Variants in CADPS observed in about 807,000 individuals in gnomAD.
CADPS encodes the protein calcium-dependent secretion activator 1.
In CADPS, 57 loss-of-function variants were observed where a neutral mutation model predicts 167.3. The observed-to-expected ratio is 0.34, with a 90% CI of 0.28 to 0.42. The LOEUF is 0.42. Among genes scored for constraint, CADPS ranks in the 20% least tolerant of loss-of-function variants. The pLI, the probability that CADPS is intolerant of heterozygous loss-of-function variation, is 1.00. For synonymous variants in CADPS, 676 were observed against 635.3 expected, an observed-to-expected ratio of 1.06 and a Z score of -0.96; for missense variants, 1,414 against 1,738.1, an observed-to-expected ratio of 0.81 and a Z score of 3.32.
rs2083171588 is a variant in CADPS, at chr3:62,753,466, T to C, written c.863A>G (p.His288Arg). The change falls in exon 3 of 30, where the codon CAT (histidine) becomes CGT (arginine). Residue 288 changes from histidine (H) to arginine (R), a missense_variant. His to Arg is a conservative substitution (Grantham distance 29, BLOSUM62 0). This residue lies in a region of CADPS where 522 missense variants were observed against 559.5 expected (regional missense o/e 0.93). Coordinates refer to ENST00000383710, the MANE Select transcript of CADPS (RefSeq NM_003716.4). This position sits in a 1 kb window ranked among gnomAD's most constrained non-coding sequence, Gnocchi z 4.6. ...QNILGIKKFE[H>R]QLLYNACQLD... ...CTGGCAGGCATTGTAAAGGAGCTGA[T>C]GTTCGAACTTCTTGATCCCAAGAAT... 1 of 1,612,988 alleles carries C rather than the reference T, an allele frequency of 6.2e-7. No homozygotes were observed. Among genetic ancestry groups the C allele is most frequent in the Non-Finnish European group, 8.5e-7 (1 of 1,179,128 alleles).
At chr3:62,415,095 C>T (rs971639365) in intron 28 of CADPS, among the ~76,000 whole-genome samples, 3 of 151,656 alleles carry the variant, frequency 2.0e-5, no homozygotes, top group African/African-American at 7.3e-5. Context: ...TGCCCACCCT[C>T]CCCGCCCCAT....
intron 3 of CADPS, among the ~76,000 whole-genome samples, chr3:62,737,913 G>T (rs1261051758): frequency 1.3e-5 from 2 of 151,818 alleles, no homozygotes; most frequent in Non-Finnish European, 2.9e-5. Flanking sequence ...ATTCTGATTT[G>T]TTTTTCTTTA....
At chr3:62,865,036 C>A (rs1228388965) in intron 1 of CADPS, among the ~76,000 whole-genome samples, 2 of 151,994 alleles carry the variant, frequency 1.3e-5, no homozygotes, top group African/African-American at 2.4e-5. Context: ...ATGGAAGAAC[C>A]CCCAAGAAAT....
chr3:62,825,848 C>A (rs2073941634), intron 1 of CADPS, among the ~76,000 whole-genome samples: 1 of 152,170 alleles, frequency 6.6e-6, no homozygotes, highest in Admixed American at 6.6e-5. Flanking sequence ...CAAGCTTTCT[C>A]TCCTACCCTC....
At chr3:62,666,991 G>A (rs891325017) in intron 3 of CADPS, among the ~76,000 whole-genome samples, 1 of 150,372 alleles carries the variant, frequency 6.7e-6, no homozygotes, top group Non-Finnish European at 1.5e-5. Context: ...ATGACAAAAT[G>A]TGCTGCATTG....
At chr3:62,615,918 CAT>C (rs1273264409) in intron 6 of CADPS, among the ~76,000 whole-genome samples, 3 of 152,298 alleles carry the variant, frequency 2.0e-5, no homozygotes, top group Middle Eastern at 3.4e-3. Flanking sequence ...TGAGTGGTGT[CAT>C]ATAGCTTCAC....
At chr3:62,722,146 G>C (rs1026797034) in intron 3 of CADPS, among the ~76,000 whole-genome samples, 2 of 152,226 alleles carry the variant, frequency 1.3e-5, no homozygotes, top group Non-Finnish European at 2.9e-5. Context: ...GCAAGGGGCA[G>C]CCTCTGAATT....
chr3:62,413,653 C>T (rs1221421244), intron 28 of CADPS, among the ~76,000 whole-genome samples: 2 of 151,994 alleles, frequency 1.3e-5, no homozygotes, highest in Non-Finnish European at 2.9e-5. Flanking sequence ...TTCAGTTTTG[C>T]AAGATGAAAC....
At chr3:62,795,623 TATTC>T (rs10602991) in intron 1 of CADPS, among the ~76,000 whole-genome samples, 12,760 of 152,120 alleles carry the variant, frequency 0.084, 1,337 homozygotes, top group African/African-American at 0.25. Flanking sequence ...ACTCAATAAA[TATTC>T]ATTGAGTGCC....
chr3:62,752,439 A>T (rs2082911355), intron 3 of CADPS, among the ~76,000 whole-genome samples: 1 of 152,208 alleles, frequency 6.6e-6, no homozygotes. Flanking sequence ...CTCTTACTAA[A>T]ACATCCAGAA....
chr3:62,545,963 C>G (rs1182984163), intron 11 of CADPS, among the ~76,000 whole-genome samples: 1 of 152,066 alleles, frequency 6.6e-6, no homozygotes, highest in African/African-American at 2.4e-5. Context: ...AGTTAAGTCA[C>G]TGAAAGATTG....
intron 1 of CADPS, among the ~76,000 whole-genome samples, chr3:62,873,953 T>C (rs1238285232): frequency 1.3e-5 from 2 of 152,142 alleles, no homozygotes; most frequent in South Asian, 2.1e-4. Flanking sequence ...CGAGGACACT[T>C]TGGCGACGCT....
Position 62,446,769 on chromosome 3 carries a change from G to A in CADPS, c.3637-972C>T, listed in dbSNP as rs2057290826. On this transcript the variant is annotated intron_variant, in intron 26 of 29. Transcript: ENST00000383710. The surrounding 1 kb of genome is among the most constrained non-coding windows in gnomAD (Gnocchi z 4.9). ...TATGGGAGTATGTTTAATATTCTGT[G>A]TGTTTCATTTTGACTCAGGTCACAC... Among the ~76,000 whole-genome samples, 1 of 152,272 alleles carries A rather than the reference G, an allele frequency of 6.6e-6. No individual in the cohort carries two copies. The highest frequency in any genetic ancestry group is 1.5e-5 in the Non-Finnish European group (1 of 68,024).
At position 62,433,673 on chromosome 3, in the gene CADPS, A is replaced by G. The variant is rs981502351; in HGVS notation, c.3777+4431T>C. 1.3e-5 allele frequency among the ~76,000 whole-genome samples: 2 copies of G among 152,078 alleles called. No homozygotes were observed. The highest frequency in any genetic ancestry group is 2.9e-5 in the Non-Finnish European group (2 of 68,006). On this transcript the variant is annotated intron_variant, in intron 28 of 29. Transcript: ENST00000383710. This position sits in a 1 kb window ranked among gnomAD's most constrained non-coding sequence, Gnocchi z 4.7. ...GTTCGAGATGGCTTTTTAATCACTCATCTCCGAGCCTGTGAGGTTTAAGCA... is the reference window on the plus strand; with the variant it reads ...GTTCGAGATGGCTTTTTAATCACTCGTCTCCGAGCCTGTGAGGTTTAAGCA...
At chr3:62,658,924 G>A (rs2072442464) in intron 4 of CADPS, among the ~76,000 whole-genome samples, 1 of 152,184 alleles carries the variant, frequency 6.6e-6, no homozygotes, top group Non-Finnish European at 1.5e-5. Context: ...GATGGGAGAT[G>A]CAGGGAGAGT....
intron 11 of CADPS, among the ~76,000 whole-genome samples, chr3:62,548,252 C>G (rs1270376865): frequency 6.6e-6 from 1 of 152,066 alleles, no homozygotes; most frequent in East Asian, 1.9e-4. Flanking sequence ...TAAACAAATA[C>G]TGGGTATGAT....
intron 24 of CADPS, 90 bp downstream of exon 24, chr3:62,474,083 C>T (rs2060947800): frequency 1.2e-6 from 1 of 858,244 alleles, no homozygotes; most frequent in African/African-American, 1.8e-5. Context: ...AACTAGCAGA[C>T]TAGGGTAGAT....
At chr3:62,849,000 C>T (rs2153088600) in intron 1 of CADPS, among the ~76,000 whole-genome samples, 1 of 143,782 alleles carries the variant, frequency 7.0e-6, no homozygotes, top group Admixed American at 6.9e-5. Flanking sequence ...CTTCACATCC[C>T]TTGTAAGTTG....
At chr3:62,537,495 A>G (rs150717684) in intron 11 of CADPS, among the ~76,000 whole-genome samples, 1 of 152,344 alleles carries the variant, frequency 6.6e-6, no homozygotes, top group African/African-American at 2.4e-5. Context: ...TCTCCATTAA[A>G]GAAATTGGCT....
Sources: allele counts gnomAD v4.1 joint callset (sites outside exome capture counted in the v4.1 genomes callset), GRCh38; gene constraint gnomAD v4.1.1; regional missense constraint gnomAD v4.1.1; non-coding constraint Gnocchi (gnomAD v3.1); transcripts MANE v1.5; gene names NCBI Gene and HGNC (gene_info 2026-07-23, HGNC 2026-07-21).